The following SEL1L3 variants were observed in gnomAD, a reference collection of about 807,000 sequenced individuals.
SEL1L3 encodes the protein protein sel-1 homolog 3.
In SEL1L3, 76 loss-of-function variants were observed where a neutral mutation model predicts 142.8. The observed-to-expected ratio is 0.53, with a 90% CI of 0.44 to 0.64. The LOEUF is 0.64. Ranked by LOEUF, SEL1L3 falls within the 30% of genes least tolerant of loss-of-function variation. The pLI is 0.00. For synonymous variants in SEL1L3, 504 were observed against 519.6 expected, an observed-to-expected ratio of 0.97 and a Z score of 0.41; for missense variants, 1,262 against 1,381.7, an observed-to-expected ratio of 0.91 and a Z score of 1.37.
chr4:25,777,772 G>A (rs1198321542), intron 16 of SEL1L3: 2 of 454,056 alleles, frequency 4.4e-6, no homozygotes, highest in East Asian at 7.0e-5. Context: ...TCTAAGTCAA[G>A]TTTATCACCA....
chr4:25,787,803 T>C (rs566091291), intron 13 of SEL1L3, among the ~76,000 whole-genome samples: 10 of 152,320 alleles, frequency 6.6e-5, no homozygotes, highest in Admixed American at 3.3e-4. Flanking sequence ...CCCTCTCCTG[T>C]TGGCTTAAAA....
chr4:25,860,790 T>C (rs1269326098), intron 1 of SEL1L3, among the ~76,000 whole-genome samples: 1 of 152,216 alleles, frequency 6.6e-6, no homozygotes, highest in Non-Finnish European at 1.5e-5. Context: ...ATCCATGCTC[T>C]AGTTATTTTC....
At position 25,862,725 on chromosome 4, in the gene SEL1L3, G is replaced by T; in HGVS notation, c.112C>A (p.Gln38Lys). The T allele has an allele frequency of 2.3e-6, 3 of 1,282,952 alleles. No homozygotes were observed. Among genetic ancestry groups the T allele is most frequent in the Non-Finnish European group, 3.0e-6 (3 of 1,013,248 alleles). The allele number at this position is 1,282,952 out of a possible 1,614,324, so 79.5% of individuals were successfully genotyped here. ...AAMVPSGGVP[Q>K]GLGGRSACAL... is the part of the protein sequence containing the mutation. ...CAGGCAGAGCGGCCGCCGAGGCCCT[G>T]GGGGACGCCGCCACTCGGGACCATG... Residue 38 changes from glutamine to lysine, a missense_variant, in exon 1 of 24, where the codon CAG becomes AAG. Physicochemically the swap from Gln to Lys is moderately conservative, Grantham distance 53. This residue lies in a region of SEL1L3 where 689 missense variants were observed against 692.8 expected (regional missense o/e 0.99). Transcript: ENST00000399878.
rs775850879 is a variant in SEL1L3 at position 25,818,241 on chromosome 4, C to T, written c.1461G>A (p.Arg487=). The stretch of plus-strand genomic sequence containing the variant: ...CTCTGCACATCGAGGGTCTCCCATA[C>T]CTGCGCTGGAGGTCCAGGTAGGAGT... ...LHNSYLDLQR[R]YGRPSMCRAF... The change falls in exon 9 of 24, where the codon AGG becomes AGA. Residue 487 remains arginine (R), a synonymous_variant. Transcript: ENST00000399878. The T allele has an allele frequency of 6.9e-6, 11 of 1,602,474 alleles. No homozygotes were observed. The highest frequency in any genetic ancestry group is 9.4e-6 in the Non-Finnish European group (11 of 1,174,578).
intron 15 of SEL1L3, 125 bp from the exon 16 acceptor site, chr4:25,779,328 A>G: frequency 9.5e-7 from 1 of 1,053,332 alleles, no homozygotes; most frequent in Non-Finnish European, 1.3e-6. Flanking sequence ...CTTTAAAACC[A>G]GGGCAAGCAA....
At chr4:25,751,937 T>C (rs919424930) in intron 23 of SEL1L3, among the ~76,000 whole-genome samples, 11 of 150,888 alleles carry the variant, frequency 7.3e-5, no homozygotes, top group Non-Finnish European at 1.3e-4. Context: ...GGTGAAACCC[T>C]GTCTCTACTA....
chr4:25,822,736 A>AC (rs1051587193), intron 6 of SEL1L3, among the ~76,000 whole-genome samples: 2 of 152,202 alleles, frequency 1.3e-5, no homozygotes, highest in African/African-American at 4.8e-5. Context: ...TTGGAGGACC[A>AC]CACTGTCCTG....
At chr4:25,778,972 A>G (rs776122440) in intron 16 of SEL1L3, 104 bp downstream of exon 16, 3 of 973,344 alleles carry the variant, frequency 3.1e-6, no homozygotes, top group Non-Finnish European at 4.5e-6. Flanking sequence ...AACTACATGC[A>G]TGTACAACTG....
At chr4:25,752,699 C>T (rs1009618729) in intron 23 of SEL1L3, among the ~76,000 whole-genome samples, 1 of 152,218 alleles carries the variant, frequency 6.6e-6, no homozygotes, top group Admixed American at 6.5e-5. Flanking sequence ...GGGCTCTCTG[C>T]AGCCTCTGCC....
At position 25,833,225 on chromosome 4, in the gene SEL1L3, G is replaced by A. The variant is rs1201684865; in HGVS notation, c.983-115C>T. Reference sequence around the variant, plus strand: ...AGCTACAATACTCCACGAAAACAAAGCAAAACCCAAACACGCATTTATAAA... The same window carrying A: ...AGCTACAATACTCCACGAAAACAAAACAAAACCCAAACACGCATTTATAAA... On this transcript the variant is annotated intron_variant, in intron 4 of 23. Transcript: ENST00000399878. The A allele has an allele frequency of 5.4e-6, 4 of 741,698 alleles. No homozygotes were observed. In the East Asian group the frequency reaches 7.7e-5, roughly 14 times the overall value. 45.9% of individuals were successfully genotyped at this position (741,698 alleles called of 1,614,324 possible).
chr4:25,758,917 C>G, intron 21 of SEL1L3, 24 bp downstream of exon 21: 3 of 1,590,404 alleles, frequency 1.9e-6, no homozygotes, highest in Non-Finnish European at 2.6e-6. Context: ...TCAGATTCCA[C>G]AGTTCTAGAG....
chr4:25,758,153 G>A (rs147048203), intron 21 of SEL1L3, among the ~76,000 whole-genome samples: 299 of 152,312 alleles, frequency 2.0e-3, no homozygotes, highest in African/African-American at 6.5e-3. Context: ...ACAGATGTAG[G>A]AATGCCTCAT....
chr4:25,722,108 T>C, the SEL1L3 span, among the ~76,000 whole-genome samples: 1 of 152,144 alleles, frequency 6.6e-6, no homozygotes, highest in Non-Finnish European at 1.5e-5. Flanking sequence ...GGGCCTTATA[T>C]ACCATTTTAA....
chr4:25,844,711 A>G (rs764413538), intron 2 of SEL1L3, among the ~76,000 whole-genome samples: 2 of 152,224 alleles, frequency 1.3e-5, no homozygotes, highest in Non-Finnish European at 2.9e-5. Flanking sequence ...AATCCCTGAC[A>G]AAGTCGGAGG....
downstream of SEL1L3, among the ~76,000 whole-genome samples, chr4:25,746,526 A>T (rs574635049): frequency 7.3e-6 from 1 of 137,704 alleles, no homozygotes; most frequent in Non-Finnish European, 1.6e-5. Flanking sequence ...ATATATATAT[A>T]TTTAAATATA....
At chr4:25,844,768 C>A (rs1156409492) in intron 2 of SEL1L3, among the ~76,000 whole-genome samples, 1 of 152,280 alleles carries the variant, frequency 6.6e-6, no homozygotes. Flanking sequence ...TTCCCCTTAA[C>A]AAATTAGGTG....
intron 6 of SEL1L3, among the ~76,000 whole-genome samples, chr4:25,823,938 T>C (rs968998167): frequency 1.3e-5 from 2 of 152,044 alleles, no homozygotes; most frequent in Admixed American, 6.5e-5. Flanking sequence ...GGAGGAGGCA[T>C]GAGACAATGA....
intron 23 of SEL1L3, among the ~76,000 whole-genome samples, chr4:25,750,536 A>G (rs752658466): frequency 1.3e-5 from 2 of 152,190 alleles, no homozygotes; most frequent in African/African-American, 4.8e-5. Flanking sequence ...ATTGTATGCT[A>G]TAAGTAAGAT....
At chr4:25,819,603 G>T (rs1714620532) in intron 8 of SEL1L3, among the ~76,000 whole-genome samples, 1 of 152,148 alleles carries the variant, frequency 6.6e-6, no homozygotes, top group Non-Finnish European at 1.5e-5. Flanking sequence ...GGTTCTTCTT[G>T]GCTGTCATTG....
Sources: allele counts gnomAD v4.1 joint callset (sites outside exome capture counted in the v4.1 genomes callset), GRCh38; gene constraint gnomAD v4.1.1; regional missense constraint gnomAD v4.1.1; transcripts MANE v1.5; gene names NCBI Gene and HGNC (gene_info 2026-07-23, HGNC 2026-07-21).